Variants in DHRS4 observed in about 807,000 individuals in gnomAD.
DHRS4 encodes dehydrogenase/reductase SDR family member 4.
Under a neutral mutation model 28.4 loss-of-function variants are expected in DHRS4, and 20 were observed. That is an observed-to-expected ratio of 0.71 (90% CI 0.50 to 1.02). The LOEUF (loss-of-function observed/expected upper bound fraction) is 1.02, where lower values mean the gene tolerates loss of function less well. DHRS4 is among the 50% of genes least tolerant of loss of function. The probability of loss-of-function intolerance (pLI) is 0.00; values close to 1 mark genes in which losing one functional copy is unlikely to be tolerated. For synonymous variants in DHRS4, 144 were observed against 146.4 expected (o/e 0.98, Z 0.12); for missense variants, 378 against 367.2 (o/e 1.03, Z -0.24).
At chr14:23,958,309 T>C (rs1029759053) in intron 2 of DHRS4, among the ~76,000 whole-genome samples, 9 of 152,158 alleles carry the variant, frequency 5.9e-5, no homozygotes, top group Admixed American at 3.9e-4. Context: ...TAGCAGATGG[T>C]GTACATTGTT....
In DHRS4 at chr14:23,966,351, G is replaced by C. The variant is rs761354366; in HGVS notation, c.600G>C (p.Leu200=). The C allele has an allele frequency of 1.2e-6, 2 of 1,614,058 alleles. No individual in the cohort carries two copies. The highest frequency in any genetic ancestry group is 1.7e-5 in the Admixed American group (1 of 60,012). The change falls in exon 6 of 8, where the codon CTG becomes CTC. Residue 200 remains leucine, a synonymous_variant. Transcript: ENST00000313250. ...LGLTKTLAIE[L]APRNIRVNCL... The stretch of plus-strand genomic sequence containing the variant: ...TGACCAAGACCCTGGCCATAGAGCT[G>C]GCCCCAAGGAACATTAGGGTGAACT...
chr14:23,968,782 G>C lies in DHRS4; in HGVS notation c.748G>C (p.Gly250Arg). 1 of 1,605,558 alleles carries C rather than the reference G, an allele frequency of 6.2e-7. No individual in the cohort carries two copies. The highest frequency in any genetic ancestry group is 8.5e-7 in the Non-Finnish European group (1 of 1,176,382). ...RRLGEPEDCA[G>R]IVSFLCSEDA... ...GTTAGGCGAGCCAGAGGATTGTGCT[G>C]GCATCGTGTCTTTCCTGTGCTCTGA... Residue 250 changes from glycine to arginine, a missense_variant, in exon 8 of 8, where the codon GGC becomes CGC. Gly to Arg is a moderately radical substitution (Grantham distance 125). Coordinates refer to ENST00000313250, the MANE Select transcript of DHRS4 (RefSeq NM_021004.4).
intron 5 of DHRS4, 75 bp downstream of exon 5, chr14:23,966,058 A>C: frequency 2.5e-6 from 4 of 1,607,446 alleles, no homozygotes; most frequent in Non-Finnish European, 3.4e-6. Context: ...TTACCCAAGG[A>C]AGTTTGTGTC....
intron 3 of DHRS4, among the ~76,000 whole-genome samples, chr14:23,962,541 A>AT (rs1397577759): frequency 6.6e-6 from 1 of 151,930 alleles, no homozygotes; most frequent in East Asian, 1.9e-4. Context: ...AGCCATCTAC[A>AT]TTTTATCGTG....
At chr14:23,960,282 T>C (rs1270552084) in intron 3 of DHRS4, among the ~76,000 whole-genome samples, 1 of 152,070 alleles carries the variant, frequency 6.6e-6, no homozygotes, top group Non-Finnish European at 1.5e-5. Context: ...CCTGGCATGC[T>C]CTTCTGCCTT....
At position 23,968,990 on chromosome 14, in the gene DHRS4, C is replaced by G; in HGVS notation, c.*119C>G. ...TACTGTTCACCTCATCAAATCAGTT[C>G]TGCCCTGTGAAAAGATCCAGCCTTC... is the stretch of plus-strand genomic sequence containing the variant. On this transcript the variant is annotated 3_prime_UTR_variant, in exon 8 of 8. Transcript: ENST00000313250. 3 of 1,308,138 alleles carry G rather than the reference C, an allele frequency of 2.3e-6. No individual in the cohort carries two copies. Among genetic ancestry groups the G allele is most frequent in the Non-Finnish European group, 3.1e-6 (3 of 971,578 alleles). 81.0% of individuals were successfully genotyped at this position (1,308,138 alleles called of 1,614,324 possible).
intron 2 of DHRS4, among the ~76,000 whole-genome samples, chr14:23,958,185 G>A (rs1173613846): frequency 6.6e-6 from 1 of 151,990 alleles, no homozygotes; most frequent in South Asian, 2.1e-4. Context: ...AAAAGATTAT[G>A]TGACTGTAAA....
chr14:23,956,728 C>T lies in DHRS4; in HGVS notation c.306+1516C>T, dbSNP rs529667060. The stretch of plus-strand genomic sequence containing the variant: ...AAGCAATTCTCATGCCTCAGCCTCC[C>T]GAGCAGCTAGGATTACAGGCATCCA... On this transcript the variant is annotated intron_variant, in intron 2 of 7. Coordinates refer to ENST00000313250, the MANE Select transcript of DHRS4 (RefSeq NM_021004.4). Among the ~76,000 whole-genome samples, 61 of 151,998 alleles carry T rather than the reference C, an allele frequency of 4.0e-4. 2 individuals are homozygous for T. The South Asian group carries it at 7.3e-3, about 18-fold the overall frequency.
At chr14:23,968,691 T>G in intron 7 of DHRS4, 66 bp from the exon 8 acceptor site, 1 of 1,584,264 alleles carries the variant, frequency 6.3e-7, no homozygotes, top group Non-Finnish European at 8.6e-7. Context: ...TAACTCCCTG[T>G]GTCCCAGGTG....
rs1318363754 is a variant in DHRS4 at position 23,953,870 on chromosome 14, G to T, written c.82G>T (p.Asp28Tyr). ...GGCCAGCTCCGGGATGACCCGCCGG[G>T]ACCCGCTCGCAAATAAGGTGGCCCT... ...RMASSGMTRR[D>Y]PLANKVALVT... The change falls in exon 1 of 8, where the codon GAC becomes TAC. Residue 28 changes from aspartate to tyrosine, a missense_variant. Physicochemically the swap from Asp to Tyr is radical, Grantham distance 160. Coordinates refer to ENST00000313250, the MANE Select transcript of DHRS4 (RefSeq NM_021004.4). The T allele has an allele frequency of 5.0e-6, 8 of 1,612,276 alleles. No homozygotes were observed. Among genetic ancestry groups the T allele is most frequent in the Non-Finnish European group, 6.8e-6 (8 of 1,179,262 alleles).
chr14:23,966,742 G>A (rs1409259196), intron 6 of DHRS4, among the ~76,000 whole-genome samples: 3 of 152,228 alleles, frequency 2.0e-5, no homozygotes, highest in African/African-American at 7.2e-5. Flanking sequence ...AGTGGGGAGA[G>A]CTGGGAGCTA....
intron 5 of DHRS4, 130 bp downstream of exon 5, chr14:23,966,113 G>A (rs1013445322): frequency 1.6e-5 from 26 of 1,593,216 alleles, no homozygotes; most frequent in Non-Finnish European, 2.1e-5. Context: ...CAAAATAGAT[G>A]CCTTGCCTCC....
chr14:23,962,707 A>G (rs1228805339), intron 3 of DHRS4, among the ~76,000 whole-genome samples: 2 of 151,266 alleles, frequency 1.3e-5, no homozygotes, highest in African/African-American at 2.5e-5. Flanking sequence ...GTTAATGTAG[A>G]TATTTTGACC....
At chr14:23,962,908 G>T (rs900985605) in intron 3 of DHRS4, among the ~76,000 whole-genome samples, 1 of 146,016 alleles carries the variant, frequency 6.8e-6, no homozygotes, top group Non-Finnish European at 1.5e-5. Flanking sequence ...GCTGCAGAAT[G>T]GATGTTGTGT....
chr14:23,958,422 G>C (rs772915981), intron 2 of DHRS4, among the ~76,000 whole-genome samples: 23 of 152,270 alleles, frequency 1.5e-4, no homozygotes, highest in Admixed American at 5.2e-4. Flanking sequence ...CGGGCAAACG[G>C]AAAGTCTGGT....
intron 2 of DHRS4, among the ~76,000 whole-genome samples, chr14:23,958,866 C>G (rs2033283165): frequency 6.6e-6 from 1 of 152,188 alleles, no homozygotes; most frequent in South Asian, 2.1e-4. Flanking sequence ...AGCAGGCCTC[C>G]TGTTCTTACC....
At chr14:23,963,478 T>C (rs370850001) in intron 3 of DHRS4, among the ~76,000 whole-genome samples, 1 of 146,474 alleles carries the variant, frequency 6.8e-6, no homozygotes, top group African/African-American at 2.6e-5. Flanking sequence ...TTAAACCTCA[T>C]GAACCAACCA....
Position 23,953,851 on chromosome 14 carries a change from C to T in DHRS4, c.63C>T (p.Ser21=), listed in dbSNP as rs1332312192. 6.2e-7 allele frequency: 1 copy of T among 1,613,734 alleles called. No individual in the cohort carries two copies. Among genetic ancestry groups the T allele is most frequent in the Non-Finnish European group, 8.5e-7 (1 of 1,179,830 alleles). ...CTTGGAATTCGGTGCGGATGGCCAGCTCCGGGATGACCCGCCGGGACCCGC... is the reference window on the plus strand; with the variant it reads ...CTTGGAATTCGGTGCGGATGGCCAGTTCCGGGATGACCCGCCGGGACCCGC... The part of the protein sequence containing the change: ...ARAWNSVRMA[S]SGMTRRDPLA... Residue 21 remains serine, a synonymous_variant, in exon 1 of 8, where the codon AGC becomes AGT. Transcript: ENST00000313250.
rs1354176509 is a variant in DHRS4 at position 23,965,654 on chromosome 14, T to A, written c.409-108T>A. 5 of 868,392 alleles carry A rather than the reference T, an allele frequency of 5.8e-6. No homozygotes were observed. In the African/African-American group the frequency reaches 8.7e-5, roughly 15 times the overall value. The allele number at this position is 868,392 out of a possible 1,614,324, so 53.8% of individuals were successfully genotyped here. A position where few individuals can be genotyped will look rare whatever the true frequency, so the allele number is the denominator to read the frequency against. On this transcript the variant is annotated intron_variant, in intron 3 of 7. Transcript: ENST00000313250. Reference sequence around the variant, plus strand: ...ATGCAGGTATATCATCCTAAGATCTTCGTCAGCTCTGACAAACATCCTAGG... The same window carrying A: ...ATGCAGGTATATCATCCTAAGATCTACGTCAGCTCTGACAAACATCCTAGG...
Sources: allele counts gnomAD v4.1 joint callset (sites outside exome capture counted in the v4.1 genomes callset), GRCh38; gene constraint gnomAD v4.1.1; transcripts MANE v1.5; gene names NCBI Gene and HGNC (gene_info 2026-07-23, HGNC 2026-07-21).